Variants in SLC2A9 observed in about 807,000 individuals in gnomAD.
SLC2A9 encodes the protein solute carrier family 2 member 9.
SLC2A9 carries 39 observed loss-of-function variants against 50.6 expected under a neutral mutation model. The observed-to-expected ratio is 0.77, with a 90% confidence interval of 0.60 to 1.01. SLC2A9 has a LOEUF of 1.01. SLC2A9 is among the 50% of genes least tolerant of loss of function. The probability of loss-of-function intolerance (pLI) is 0.00; values close to 1 mark genes in which losing one functional copy is unlikely to be tolerated. For synonymous variants in SLC2A9, 324 were observed against 276.9 expected, an observed-to-expected ratio of 1.17 and a Z score of -1.69; for missense variants, 686 against 677.6, an observed-to-expected ratio of 1.01 and a Z score of -0.14.
In SLC2A9 at chr4:9,957,930, T is replaced by C. The variant is rs115765218; in HGVS notation, c.682-15885A>G. 9.6e-3 allele frequency among the ~76,000 whole-genome samples: 1,464 copies of C among 152,234 alleles called. 27 individuals are homozygous for C. The highest frequency in any genetic ancestry group is 0.034 in the African/African-American group (1,407 of 41,536). The stretch of plus-strand genomic sequence containing the variant: ...ATCTAGAATGAAAGGAAATGAGTAT[T>C]GAGAATTCTGCACAACTGAAGAGAA... On this transcript the variant is annotated intron_variant, in intron 5 of 11. Coordinates refer to ENST00000264784, the MANE Select transcript of SLC2A9 (RefSeq NM_020041.3).
At chr4:9,910,794 G>T (rs945911988) in intron 7 of SLC2A9, among the ~76,000 whole-genome samples, 1 of 152,184 alleles carries the variant, frequency 6.6e-6, no homozygotes, top group African/African-American at 2.4e-5. Flanking sequence ...TTAGTGAAGA[G>T]AGTCATTGTA....
Position 9,839,811 on chromosome 4 carries a change from C to T in SLC2A9, c.1292-4803G>A, listed in dbSNP as rs561578109. 1.2e-3 allele frequency among the ~76,000 whole-genome samples: 181 copies of T among 152,126 alleles called. 1 individual carries two copies. The highest frequency in any genetic ancestry group is 4.1e-3 in the African/African-American group (172 of 41,512). ...TGGACACATAGAGCGGAACAACACA[C>T]ACTGGGGCTTACTGGAGGGTGGGAA... On this transcript the variant is annotated intron_variant, in intron 10 of 11. Transcript: ENST00000264784.
In SLC2A9 at chr4:9,835,116, A is replaced by C. The variant is rs867049861; in HGVS notation, c.1292-108T>G. On this transcript the variant is annotated intron_variant, in intron 10 of 11. Transcript: ENST00000264784. ...AGAACCCCCCCACCCCTGCCCCTTG[A>C]CTGGATGTGTAGTGGGCCCCAGTTC... 7.9e-5 allele frequency: 119 copies of C among 1,512,544 alleles called. No homozygotes were observed. The Middle Eastern group carries it at 1.9e-3, about 24-fold the overall frequency. 93.7% of individuals were successfully genotyped at this position (1,512,544 alleles called of 1,614,324 possible). A position where few individuals can be genotyped will look rare whatever the true frequency, so the allele number is the denominator to read the frequency against.
intron 1 of SLC2A9, among the ~76,000 whole-genome samples, chr4:10,031,499 T>A (rs562960195): frequency 6.6e-6 from 1 of 152,358 alleles, no homozygotes; most frequent in South Asian, 2.1e-4. Flanking sequence ...TAAGGAGGCC[T>A]CTCTGCTCCT....
intron 9 of SLC2A9, 75 bp from the exon 10 acceptor site, chr4:9,887,717 C>G: frequency 1.6e-6 from 2 of 1,216,422 alleles, no homozygotes; most frequent in Non-Finnish European, 2.2e-6. Flanking sequence ...ACCCCAGCTC[C>G]TCCTCCATCC....
chr4:9,807,929 T>A (rs1458697591), intron 3 of SLC2A9, among the ~76,000 whole-genome samples: 1 of 152,236 alleles, frequency 6.6e-6, no homozygotes, highest in East Asian at 1.9e-4. Flanking sequence ...GCGAGCCCCC[T>A]GAAATAGTTG....
At chr4:9,781,018 G>A (rs1309410200) in intron 3 of SLC2A9, among the ~76,000 whole-genome samples, 1 of 152,102 alleles carries the variant, frequency 6.6e-6, no homozygotes, top group Non-Finnish European at 1.5e-5. Flanking sequence ...GGGGGCGGTG[G>A]TGGGGAAAAG....
upstream of SLC2A9, among the ~76,000 whole-genome samples, chr4:10,024,956 G>A (rs55959894): frequency 0.44 from 66,610 of 152,054 alleles, 16,216 homozygotes; most frequent in South Asian, 0.59. Flanking sequence ...AAGATATAGC[G>A]TCCACTTAGA....
At chr4:9,808,952 C>T (rs1217554794) in intron 3 of SLC2A9, among the ~76,000 whole-genome samples, 1 of 152,188 alleles carries the variant, frequency 6.6e-6, no homozygotes, top group African/African-American at 2.4e-5. Flanking sequence ...TTGAATCAGA[C>T]ATCAGGATTT....
chr4:9,782,262 T>G lies in SLC2A9; in HGVS notation n.386-2197A>C, dbSNP rs774529086. The stretch of plus-strand genomic sequence containing the variant: ...CACCTGCGCGCCAACATGACCAACG[T>G]CTTCATCGTGTCTCTGGCCGTGTCA... On this transcript the variant is annotated intron_variant and non_coding_transcript_variant, in intron 3 of 3. Coordinates refer to the SLC2A9 transcript ENST00000503803. The G allele has an allele frequency of 3.0e-5, 48 of 1,613,734 alleles. No homozygotes were observed. Among genetic ancestry groups the G allele is most frequent in the Non-Finnish European group, 3.8e-5 (45 of 1,179,878 alleles).
intron 3 of SLC2A9, among the ~76,000 whole-genome samples, chr4:9,994,825 T>C (rs1054272926): frequency 3.9e-4 from 59 of 152,094 alleles, no homozygotes; most frequent in African/African-American, 1.3e-3. Context: ...CGGTCAGGTA[T>C]AAAGCAAGGA....
At chr4:9,775,834 T>G (rs540085178), downstream of SLC2A9, among the ~76,000 whole-genome samples, 1 of 152,192 alleles carries the variant, frequency 6.6e-6, no homozygotes, top group South Asian at 2.1e-4. Context: ...TTTATAGCAA[T>G]GCAAGGATGG....
At chr4:9,897,477 A>T (rs1164140642) in intron 8 of SLC2A9, among the ~76,000 whole-genome samples, 2 of 152,142 alleles carry the variant, frequency 1.3e-5, no homozygotes, top group Admixed American at 1.3e-4. Context: ...CAGTTAAAAA[A>T]ATGTGACCTT....
At chr4:9,854,890 C>T (rs1287254074) in intron 10 of SLC2A9, among the ~76,000 whole-genome samples, 18 of 152,188 alleles carry the variant, frequency 1.2e-4, no homozygotes, top group South Asian at 2.1e-4. Context: ...GATGCAGAAA[C>T]GGCTCTGATA....
intron 8 of SLC2A9, among the ~76,000 whole-genome samples, chr4:9,895,781 C>T (rs1270923591): frequency 6.6e-6 from 1 of 152,252 alleles, no homozygotes; most frequent in African/African-American, 2.4e-5. Context: ...ATAACCACAA[C>T]TACAATTAGG....
At chr4:10,015,763 G>C (rs11736479) in intron 2 of SLC2A9, among the ~76,000 whole-genome samples, 67,109 of 152,142 alleles carry the variant, frequency 0.44, 16,402 homozygotes, top group South Asian at 0.59. Context: ...TGGATTTCCA[G>C]GTTGGAGAAG....
chr4:9,870,724 C>T (rs1176787501), intron 10 of SLC2A9, among the ~76,000 whole-genome samples: 2 of 152,190 alleles, frequency 1.3e-5, no homozygotes, highest in African/African-American at 4.8e-5. Context: ...AAAAAGGAGA[C>T]TTTGGAGTTG....
intron 2 of SLC2A9, among the ~76,000 whole-genome samples, chr4:10,001,795 A>G (rs978431337): frequency 6.6e-6 from 1 of 152,210 alleles, no homozygotes; most frequent in Admixed American, 6.5e-5. Flanking sequence ...TTGGACATTT[A>G]TCTGCCTTTT....
intron 2 of SLC2A9, among the ~76,000 whole-genome samples, chr4:10,011,580 T>C (rs748707399): frequency 2.0e-5 from 3 of 152,284 alleles, no homozygotes; most frequent in Non-Finnish European, 4.4e-5. Context: ...TTTGCATGCA[T>C]GACTGTCTGA....
Sources: gnomAD v4.1 joint callset for allele counts (sites outside exome capture counted in the v4.1 genomes callset) on GRCh38, gnomAD v4.1.1 for gene constraint, MANE v1.5 for transcripts, NCBI Gene and HGNC (gene_info 2026-07-23, HGNC 2026-07-21) for gene names.